Variants in SETD3 observed in about 807,000 individuals in gnomAD.
SETD3 encodes the protein actin-histidine N-methyltransferase.
Under a neutral mutation model 63.0 loss-of-function variants are expected in SETD3, and 19 were observed. The observed-to-expected ratio is 0.30, with a 90% CI of 0.21 to 0.44. The LOEUF is 0.44. Ranked by LOEUF, SETD3 falls within the 20% of genes least tolerant of loss-of-function variation. SETD3 has a pLI of 1.00. For missense variants in SETD3, 587 were observed against 728.5 expected, an observed-to-expected ratio of 0.81 and a Z score of 2.24; for synonymous variants, 286 against 264.1, an observed-to-expected ratio of 1.08 and a Z score of -0.80.
Position 99,458,585 on chromosome 14 carries a change from A to T in SETD3, c.419-50T>A, listed in dbSNP as rs750225624. ...CGTAAGTTCCACAAACTTCTTAAAA[A>T]CTTCATTTAAATATACGTTTACAAA... On this transcript the variant is annotated intron_variant, in intron 5 of 12. Transcript: ENST00000331768. 8 of 1,570,890 alleles carry T rather than the reference A, an allele frequency of 5.1e-6. No individual in the cohort carries two copies. In the East Asian group the frequency reaches 1.8e-4, roughly 35 times the overall value.
chr14:99,481,742 C>T, upstream of SETD3: 1 of 362,728 alleles, frequency 2.8e-6, no homozygotes, highest in East Asian at 4.0e-5. Context: ...CACTGGGGGG[C>T]AGTCAGAGTT....
chr14:99,406,450 C>A (rs1891686669), intron 9 of SETD3, 66 bp downstream of exon 9: 17 of 1,404,922 alleles, frequency 1.2e-5, no homozygotes, highest in Middle Eastern at 1.8e-4. Flanking sequence ...TTTAAGATTA[C>A]CAACACGGTG....
chr14:99,461,388 TATCA>T, intron 3 of SETD3, 48 bp from the exon 4 acceptor site: 1 of 1,572,170 alleles, frequency 6.4e-7, no homozygotes, highest in African/African-American at 1.4e-5. Context: ...TTAGGACACA[TATCA>T]TTCACACGTC....
intron 6 of SETD3, among the ~76,000 whole-genome samples, chr14:99,438,546 C>T (rs545777448): frequency 1.5e-4 from 23 of 152,242 alleles, no homozygotes; most frequent in African/African-American, 5.5e-4. Context: ...AACTTAAAAC[C>T]AATTTATTCC....
intron 10 of SETD3, 119 bp downstream of exon 10, chr14:99,405,086 A>G (rs1595144978): frequency 1.4e-6 from 2 of 1,382,258 alleles, no homozygotes; most frequent in Middle Eastern, 2.7e-4. Context: ...TGCCACGGGG[A>G]TAAACGGATT....
intron 6 of SETD3, among the ~76,000 whole-genome samples, chr14:99,414,381 T>C (rs1892174378): frequency 6.6e-6 from 1 of 152,162 alleles, no homozygotes; most frequent in Admixed American, 6.5e-5. Context: ...AAAGGAAAAA[T>C]TAAAGGCACT....
intron 11 of SETD3, 49 bp downstream of exon 11, chr14:99,404,176 G>T: frequency 6.7e-7 from 1 of 1,488,252 alleles, no homozygotes; most frequent in South Asian, 1.2e-5. Context: ...ACACTTTCAT[G>T]ATTTAAAAAG....
At chr14:99,483,329 A>G (rs1896402155), upstream of SETD3, among the ~76,000 whole-genome samples, 1 of 152,224 alleles carries the variant, frequency 6.6e-6, no homozygotes, top group South Asian at 2.1e-4. Context: ...CTGGAGGATC[A>G]CACAAGCTCA....
At chr14:99,452,877 C>T (rs1365885921) in intron 6 of SETD3, among the ~76,000 whole-genome samples, 1 of 152,144 alleles carries the variant, frequency 6.6e-6, no homozygotes, top group Non-Finnish European at 1.5e-5. Context: ...GGTTTCAGTT[C>T]ACATGCAGAG....
At chr14:99,436,277 G>A (rs986552808) in intron 6 of SETD3, among the ~76,000 whole-genome samples, 2 of 152,126 alleles carry the variant, frequency 1.3e-5, no homozygotes, top group African/African-American at 2.4e-5. Flanking sequence ...CCTTCCAAGT[G>A]ACTCCCGGGA....
chr14:99,438,510 A>G (rs1019098807), intron 6 of SETD3, among the ~76,000 whole-genome samples: 1 of 152,262 alleles, frequency 6.6e-6, no homozygotes, highest in Non-Finnish European at 1.5e-5. Context: ...GAGAAAGGTT[A>G]GTAATGTCAT....
intron 5 of SETD3, 75 bp from the exon 6 acceptor site, chr14:99,458,610 AT>A: frequency 6.5e-7 from 1 of 1,526,952 alleles, no homozygotes; most frequent in Non-Finnish European, 8.8e-7. Context: ...ACGTTTACAA[AT>A]TACAGAAAAA....
chr14:99,443,327 T>A (rs1893943392), intron 6 of SETD3, among the ~76,000 whole-genome samples: 2 of 148,040 alleles, frequency 1.4e-5, no homozygotes, highest in South Asian at 4.3e-4. Context: ...TGGCACTCAG[T>A]TCAAACCTCC....
chr14:99,444,979 T>C (rs951805518), intron 6 of SETD3, among the ~76,000 whole-genome samples: 4 of 152,334 alleles, frequency 2.6e-5, no homozygotes, highest in African/African-American at 2.4e-5. Context: ...GTAAAAGATA[T>C]GGTCCACCTG....
At chr14:99,401,698 C>A (rs1891396336) in intron 11 of SETD3, among the ~76,000 whole-genome samples, 1 of 152,108 alleles carries the variant, frequency 6.6e-6, no homozygotes, top group African/African-American at 2.4e-5. Flanking sequence ...ATTTTATATT[C>A]TTTGCATACA....
upstream of SETD3, among the ~76,000 whole-genome samples, chr14:99,482,400 C>T (rs542725839): frequency 1.2e-4 from 19 of 152,284 alleles, no homozygotes; most frequent in African/African-American, 2.9e-4. Context: ...AGAACACTGC[C>T]TGACGTTTAA....
chr14:99,436,334 G>A (rs1282385518), intron 6 of SETD3, among the ~76,000 whole-genome samples: 2 of 152,060 alleles, frequency 1.3e-5, no homozygotes, highest in African/African-American at 4.8e-5. Context: ...AATCAAGAAC[G>A]GCCTGGTCTA....
rs751384322 is a variant in SETD3 at position 99,406,580 on chromosome 14, C to G, written c.860G>C (p.Gly287Ala). 2.4e-5 allele frequency: 39 copies of G among 1,614,030 alleles called. No homozygotes were observed. The highest frequency in any genetic ancestry group is 3.1e-5 in the Non-Finnish European group (37 of 1,180,032). The change falls in exon 9 of 13, where the codon GGT becomes GCT. Residue 287 changes from glycine (G) to alanine (A), a missense_variant. By Grantham distance (60) the Gly-to-Ala change is moderately conservative (BLOSUM62 0). Coordinates refer to ENST00000331768, the MANE Select transcript of SETD3 (RefSeq NM_032233.3). ...CNHTNGLITT[G>A]YNLEDDRCEC... is the part of the protein sequence containing the mutation. ...ACAGCGGTCATCTTCCAGGTTGTAACCAGTAGTGATCTAGCCCGGGGAGGA... is the reference window on the plus strand; with the variant it reads ...ACAGCGGTCATCTTCCAGGTTGTAAGCAGTAGTGATCTAGCCCGGGGAGGA...
intron 8 of SETD3, among the ~76,000 whole-genome samples, chr14:99,409,093 C>T (rs529755719): frequency 2.0e-4 from 31 of 152,268 alleles, no homozygotes; most frequent in African/African-American, 6.7e-4. Context: ...GGGGCAGCCA[C>T]CCGATGTCAA....
Sources: gnomAD v4.1 joint callset for allele counts (sites outside exome capture counted in the v4.1 genomes callset) on GRCh38, gnomAD v4.1.1 for gene constraint, MANE v1.5 for transcripts, NCBI Gene and HGNC (gene_info 2026-07-23, HGNC 2026-07-21) for gene names.